Variants in CERT1 observed in about 807,000 individuals in gnomAD.
CERT1 encodes the protein ceramide transfer protein.
Under a neutral mutation model 87.9 loss-of-function variants are expected in CERT1, and 31 were observed. That is an observed-to-expected ratio of 0.35 (90% confidence interval 0.27 to 0.48). The LOEUF is 0.48. Among genes scored for constraint, CERT1 ranks in the 20% least tolerant of loss-of-function variants. CERT1 has a pLI of 0.99. For synonymous variants in CERT1, 289 were observed against 250.9 expected (o/e 1.15, Z -1.44); for missense variants, 487 against 758.0 (o/e 0.64, Z 4.20).
chr5:75,381,288 CG>C, intron 15 of CERT1, 87 bp from the exon 16 acceptor site: 1 of 1,443,056 alleles, frequency 6.9e-7, no homozygotes, highest in Non-Finnish European at 9.6e-7. Context: ...TAACCAAAAT[CG>C]TAACTCTTAA....
At chr5:75,422,376 G>A (rs1408599443) in intron 5 of CERT1, among the ~76,000 whole-genome samples, 2 of 152,160 alleles carry the variant, frequency 1.3e-5, no homozygotes, top group East Asian at 3.9e-4. Flanking sequence ...AGCACTTTGG[G>A]AGGCAGAGGC....
chr5:75,457,786 T>C (rs1356446731), intron 3 of CERT1, among the ~76,000 whole-genome samples: 1 of 151,658 alleles, frequency 6.6e-6, no homozygotes, highest in Non-Finnish European at 1.5e-5. Flanking sequence ...GTGTGTTTTG[T>C]GCTTGTTAAA....
intron 1 of CERT1, among the ~76,000 whole-genome samples, chr5:75,509,785 T>C (rs924432514): frequency 1.2e-4 from 18 of 152,198 alleles, no homozygotes; most frequent in Admixed American, 4.6e-4. Flanking sequence ...CACTTCCTAT[T>C]ACCAACTGAA....
chr5:75,427,424 C>G (rs554183842), intron 3 of CERT1, among the ~76,000 whole-genome samples: 165 of 152,208 alleles, frequency 1.1e-3, no homozygotes, highest in African/African-American at 3.3e-3. Context: ...TATGGTGAAA[C>G]CCTGTCTCTA....
chr5:75,496,315 A>G (rs2112444049), intron 2 of CERT1, among the ~76,000 whole-genome samples: 1 of 151,932 alleles, frequency 6.6e-6, no homozygotes. Context: ...AAAAAATGTG[A>G]CAATACCAAA....
intron 2 of CERT1, among the ~76,000 whole-genome samples, chr5:75,478,948 C>A (rs987744798): frequency 8.3e-5 from 11 of 132,892 alleles, no homozygotes; most frequent in African/African-American, 3.2e-4. Context: ...AAGCCACACG[C>A]GTTTGTCAAA....
intron 14 of CERT1, among the ~76,000 whole-genome samples, chr5:75,383,858 T>C (rs1761681673): frequency 1.3e-5 from 2 of 152,148 alleles, no homozygotes; most frequent in Admixed American, 1.3e-4. Flanking sequence ...ATTATGTTAT[T>C]GGGCAGTTTT....
At chr5:75,390,197 T>C (rs1012097498) in intron 11 of CERT1, among the ~76,000 whole-genome samples, 2 of 152,114 alleles carry the variant, frequency 1.3e-5, no homozygotes, top group African/African-American at 4.8e-5. Flanking sequence ...TACACAAAGA[T>C]GAGCAAAGAT....
chr5:75,426,567 A>C (rs111935964), intron 3 of CERT1, 89 bp from the exon 4 acceptor site: 12 of 908,486 alleles, frequency 1.3e-5, no homozygotes, highest in African/African-American at 1.0e-4. Flanking sequence ...CAAGGTTATT[A>C]TAACAATTGG....
chr5:75,422,427 G>A (rs1035418039), intron 5 of CERT1, among the ~76,000 whole-genome samples: 3 of 152,086 alleles, frequency 2.0e-5, no homozygotes, highest in Non-Finnish European at 4.4e-5. Flanking sequence ...ACAAGCCTGG[G>A]CAACATGGCA....
At chr5:75,436,198 A>G (rs142821427) in intron 3 of CERT1, among the ~76,000 whole-genome samples, 4,127 of 152,042 alleles carry the variant, frequency 0.027, 124 homozygotes, top group South Asian at 0.1. Flanking sequence ...ATGCCTGGCT[A>G]ATTTTTTTGT....
chr5:75,412,275 G>C (rs1176355894), intron 7 of CERT1, among the ~76,000 whole-genome samples: 2 of 152,082 alleles, frequency 1.3e-5, no homozygotes, highest in Non-Finnish European at 2.9e-5. Flanking sequence ...TTTTGAAAGC[G>C]AAAGGGAATG....
chr5:75,384,297 G>A (rs553949173), intron 14 of CERT1, among the ~76,000 whole-genome samples: 1 of 152,264 alleles, frequency 6.6e-6, no homozygotes, highest in Admixed American at 6.5e-5. Flanking sequence ...TACTTGAGAG[G>A]CTGAGGCAGG....
intron 11 of CERT1, 124 bp from the exon 12 acceptor site, chr5:75,389,811 A>G (rs1408112253): frequency 2.9e-6 from 2 of 682,644 alleles, no homozygotes; most frequent in Non-Finnish European, 5.2e-6. Context: ...CCAAATGCAC[A>G]AAGGTTAGTA....
At chr5:75,482,619 C>T (rs1427121459) in intron 2 of CERT1, among the ~76,000 whole-genome samples, 1 of 152,168 alleles carries the variant, frequency 6.6e-6, no homozygotes, top group Non-Finnish European at 1.5e-5. Context: ...CCAGGATAGT[C>T]CCAGTGGTAG....
chr5:75,384,754 T>C, intron 13 of CERT1, 42 bp from the exon 14 acceptor site: 1 of 1,260,042 alleles, frequency 7.9e-7, no homozygotes, highest in Non-Finnish European at 1.2e-6. Context: ...TATCTTTTCC[T>C]AGAATGTGAT....
At chr5:75,448,740 A>C (rs1428247940) in intron 3 of CERT1, among the ~76,000 whole-genome samples, 1 of 152,192 alleles carries the variant, frequency 6.6e-6, no homozygotes, top group Non-Finnish European at 1.5e-5. Flanking sequence ...TTCCCTCTTC[A>C]TTAAATAAAA....
chr5:75,443,158 A>T (rs1764393932), intron 3 of CERT1, among the ~76,000 whole-genome samples: 1 of 152,114 alleles, frequency 6.6e-6, no homozygotes, highest in African/African-American at 2.4e-5. Context: ...ATCTTTTTAA[A>T]TAATCAAGTT....
At chr5:75,408,568 G>A (rs1762805823) in intron 8 of CERT1, among the ~76,000 whole-genome samples, 1 of 152,096 alleles carries the variant, frequency 6.6e-6, no homozygotes, top group South Asian at 2.1e-4. Flanking sequence ...TTTATGAGTG[G>A]GAGCTAAATA....
Sources: allele counts gnomAD v4.1 joint callset (sites outside exome capture counted in the v4.1 genomes callset), GRCh38; gene constraint gnomAD v4.1.1; transcripts MANE v1.5; gene names NCBI Gene and HGNC (gene_info 2026-07-23, HGNC 2026-07-21).